Variants in VPS13C observed in about 807,000 individuals in gnomAD.
VPS13C encodes intermembrane lipid transfer protein VPS13C.
Under a neutral mutation model 456.8 loss-of-function variants are expected in VPS13C, and 358 were observed. The observed-to-expected ratio is 0.78, with a 90% CI of 0.72 to 0.86. The LOEUF is 0.86. VPS13C is among the 40% of genes least tolerant of loss of function. The pLI is 0.00. For missense variants in VPS13C, 4,818 were observed against 4,385.4 expected (o/e 1.10, Z -2.79); for synonymous variants, 1,578 against 1,486.7 (o/e 1.06, Z -1.41).
chr15:61,903,268 T>G (rs2043057878), intron 66 of VPS13C, among the ~76,000 whole-genome samples: 1 of 151,750 alleles, frequency 6.6e-6, no homozygotes, highest in Admixed American at 6.6e-5. Flanking sequence ...CCTGGGAGGT[T>G]GAGGCTGGAG....
intron 15 of VPS13C, 120 bp downstream of exon 15, chr15:62,007,188 T>A: frequency 1.1e-6 from 1 of 875,850 alleles, no homozygotes. Flanking sequence ...CATAATTCTC[T>A]CTCAAAAAGA....
chr15:61,937,268 C>A (rs1273670197), intron 47 of VPS13C, among the ~76,000 whole-genome samples: 1 of 152,124 alleles, frequency 6.6e-6, no homozygotes, highest in African/African-American at 2.4e-5. Flanking sequence ...AGAATAATAC[C>A]ATTTAGAACA....
chr15:62,026,695 C>G (rs1187682884), intron 6 of VPS13C, among the ~76,000 whole-genome samples: 4 of 152,060 alleles, frequency 2.6e-5, no homozygotes, highest in Admixed American at 2.6e-4. Flanking sequence ...AACAACCATC[C>G]TACTTCAGTA....
chr15:61,919,296 G>A lies in VPS13C; in HGVS notation c.7631C>T (p.Pro2544Leu). ...EGNKVITLRS[P>L]LQIKNHFSIA... ...TTAACTTTGAAGTATTACCTGTAGA[G>A]GAGAGCGAAGGGTAATTACTTTATT... Residue 2544 changes from proline (P) to leucine (L), a missense_variant, in exon 58 of 85, where the codon CCT becomes CTT. By Grantham distance (98) the Pro-to-Leu change is moderately conservative. Transcript: ENST00000644861. The A allele has an allele frequency of 2.5e-6, 4 of 1,595,184 alleles. No homozygotes were observed. Among genetic ancestry groups the A allele is most frequent in the Non-Finnish European group, 3.4e-6 (4 of 1,172,222 alleles).
intron 6 of VPS13C, among the ~76,000 whole-genome samples, chr15:62,025,242 T>C (rs868868297): frequency 6.6e-6 from 1 of 152,100 alleles, no homozygotes; most frequent in Non-Finnish European, 1.5e-5. Flanking sequence ...TCCTTGATTT[T>C]TAAAAGCAAA....
At position 61,945,761 on chromosome 15, in the gene VPS13C, C is replaced by T. The variant is rs752971556; in HGVS notation, c.5102G>A (p.Gly1701Asp). 13 of 1,608,944 alleles carry T rather than the reference C, an allele frequency of 8.1e-6. No individual in the cohort carries two copies. The highest frequency in any genetic ancestry group is 4.5e-5 in the South Asian group (4 of 89,834). The change falls in exon 45 of 85, where the codon GGT becomes GAT. Residue 1701 changes from glycine (G) to aspartate (D), a missense_variant. Physicochemically the swap from Gly to Asp is moderately conservative, Grantham distance 94. Transcript: ENST00000644861. Reference protein sequence around the residue: ...KVDGKLSFKVGCIQIVYVHKF... With the variant: ...KVDGKLSFKVDCIQIVYVHKF... ...ATGAACATAAACAATCTGAATACAA[C>T]CCACTTTAAAACTAAGTTTGCCGTC... is the stretch of plus-strand genomic sequence containing the variant.
intron 66 of VPS13C, among the ~76,000 whole-genome samples, chr15:61,900,547 T>C (rs1360920522): frequency 6.6e-6 from 1 of 151,882 alleles, no homozygotes; most frequent in East Asian, 1.9e-4. Context: ...GAATCCAACT[T>C]ACAAGGGATG....
At chr15:61,924,145 C>G (rs1258979626) in intron 53 of VPS13C, among the ~76,000 whole-genome samples, 1 of 151,832 alleles carries the variant, frequency 6.6e-6, no homozygotes, top group Non-Finnish European at 1.5e-5. Context: ...GGATTACAGG[C>G]GTGAGGCCAC....
chr15:62,047,076 T>C (rs1319382878), intron 1 of VPS13C, among the ~76,000 whole-genome samples: 1 of 151,938 alleles, frequency 6.6e-6, no homozygotes, highest in Non-Finnish European at 1.5e-5. Flanking sequence ...AAATATTTTT[T>C]ATATAAATTT....
At chr15:62,013,450 T>C (rs893424654) in intron 10 of VPS13C, among the ~76,000 whole-genome samples, 6 of 151,652 alleles carry the variant, frequency 4.0e-5, no homozygotes, top group African/African-American at 1.5e-4. Context: ...CCAGCAGATA[T>C]GAATAGCTGT....
At chr15:61,855,611 T>A (rs183070632) in intron 83 of VPS13C, among the ~76,000 whole-genome samples, 4 of 152,270 alleles carry the variant, frequency 2.6e-5, no homozygotes, top group Admixed American at 2.6e-4. Flanking sequence ...TTCTAGCTAC[T>A]AAATTTCCCA....
At chr15:61,936,169 C>G (rs1315438356) in intron 48 of VPS13C, among the ~76,000 whole-genome samples, 1 of 152,112 alleles carries the variant, frequency 6.6e-6, no homozygotes, top group Non-Finnish European at 1.5e-5. Context: ...GTATTTGAAA[C>G]ATAACGCTCC....
In VPS13C at chr15:61,867,469, CTT is replaced by C. The variant is rs1348603739; in HGVS notation, c.10863+1188_10863+1189del. 1.0e-6 allele frequency: 1 copy of C among 987,808 alleles called. No homozygotes were observed. The highest frequency in any genetic ancestry group is 1.2e-6 in the Non-Finnish European group (1 of 831,868). The allele number at this position is 987,808 out of a possible 1,614,324, so 61.2% of individuals were successfully genotyped here. ...GATGCTCCAGGTAATAGTCCCGTAACTTAAGCAAATTTAGAGCCATTTGTGAA... is the reference window on the plus strand; with the variant it reads ...GATGCTCCAGGTAATAGTCCCGTAACAAGCAAATTTAGAGCCATTTGTGAA... On this transcript the variant is annotated intron_variant, in intron 81 of 84. Transcript: ENST00000644861. This position sits in a 1 kb window ranked among gnomAD's most constrained non-coding sequence, Gnocchi z 5.0.
intron 66 of VPS13C, among the ~76,000 whole-genome samples, chr15:61,897,702 C>T (rs2042870512): frequency 6.6e-6 from 1 of 152,092 alleles, no homozygotes; most frequent in African/African-American, 2.4e-5. Flanking sequence ...AGGAGAACTT[C>T]CCCAATCTAG....
At chr15:61,876,318 G>T (rs1895422373) in intron 75 of VPS13C, among the ~76,000 whole-genome samples, 1 of 151,782 alleles carries the variant, frequency 6.6e-6, no homozygotes, top group South Asian at 2.1e-4. Flanking sequence ...CCTTGCATGG[G>T]TGAGTATGCA....
At chr15:61,904,184 G>T (rs758771934) in intron 66 of VPS13C, among the ~76,000 whole-genome samples, 13 of 151,854 alleles carry the variant, frequency 8.6e-5, no homozygotes, top group Non-Finnish European at 1.2e-4. Context: ...CAACAAAGTA[G>T]AGACAACAAA....
chr15:61,860,960 T>C (rs1171861284), intron 82 of VPS13C, among the ~76,000 whole-genome samples: 5 of 139,634 alleles, frequency 3.6e-5, no homozygotes, highest in African/African-American at 1.4e-4. Flanking sequence ...TTTCTTTTTT[T>C]TTTTTTTTTT....
At chr15:61,898,522 G>T (rs535114487) in intron 66 of VPS13C, among the ~76,000 whole-genome samples, 1,658 of 152,202 alleles carry the variant, frequency 0.011, 39 homozygotes, top group African/African-American at 0.038. Context: ...TTACATAATG[G>T]CAAAGGGATC....
rs573885210 is a variant in VPS13C at position 61,865,686 on chromosome 15, G to A, written c.10864-2158C>T. The A allele has an allele frequency of 2.1e-5, 8 of 380,416 alleles. No individual in the cohort carries two copies. The Admixed American group carries it at 2.6e-4, about 12-fold the overall frequency. 23.6% of individuals were successfully genotyped at this position (380,416 alleles called of 1,614,324 possible). ...TGTGTATATATGTGTATATTTGTAT[G>A]TGTATATATATGTGTGTATATGTAT... On this transcript the variant is annotated intron_variant, in intron 81 of 84. Coordinates refer to ENST00000644861, the MANE Select transcript of VPS13C (RefSeq NM_020821.3).
Sources: allele counts gnomAD v4.1 joint callset (sites outside exome capture counted in the v4.1 genomes callset), GRCh38; gene constraint gnomAD v4.1.1; non-coding constraint Gnocchi (gnomAD v3.1); transcripts MANE v1.5; gene names NCBI Gene and HGNC (gene_info 2026-07-23, HGNC 2026-07-21).